ZNF407: variants seen among roughly 807,000 people sequenced by gnomAD.
ZNF407 encodes zinc finger protein 407.
Under a neutral mutation model 131.2 loss-of-function variants are expected in ZNF407, and 17 were observed. The ratio of observed to expected loss-of-function variants is 0.13; its 90% confidence interval spans 0.09 to 0.19. ZNF407 has a LOEUF of 0.19. Ranked by LOEUF, ZNF407 falls within the 10% of genes least tolerant of loss-of-function variation. The pLI is 1.00. For missense variants in ZNF407, 2,681 were observed against 2,830.6 expected (o/e 0.95, Z 1.20); for synonymous variants, 1,156 against 1,062.0 (o/e 1.09, Z -1.72).
intron 4 of ZNF407, among the ~76,000 whole-genome samples, chr18:74,809,968 G>A (rs1449500966): frequency 6.6e-6 from 1 of 152,240 alleles, no homozygotes; most frequent in East Asian, 1.9e-4. Context: ...TTATGTGGAT[G>A]TGATGGTGCC....
intron 4 of ZNF407, among the ~76,000 whole-genome samples, chr18:74,822,247 T>G (rs944982047): frequency 6.6e-6 from 1 of 152,232 alleles, no homozygotes; most frequent in Non-Finnish European, 1.5e-5. Flanking sequence ...TTTCTTTTGC[T>G]GTGCAGAAGC....
rs908457122 is a variant in ZNF407, at chr18:74,600,463, A to C, written c.-54+2526A>C. Among the ~76,000 whole-genome samples, 5 of 152,168 alleles carry C rather than the reference A, an allele frequency of 3.3e-5. 1 individual carries two copies. Among genetic ancestry groups the C allele is most frequent in the African/African-American group, 1.2e-4 (5 of 41,430 alleles). On this transcript the variant is annotated intron_variant, in intron 1 of 8. Transcript: ENST00000299687. ...TCTTTGTGACCTTTTTTGCCAAGCC[A>C]CTGTAGTTGTCAGGGAGCAGAGAGA...
intron 8 of ZNF407, among the ~76,000 whole-genome samples, chr18:75,043,306 G>T (rs928670757): frequency 1.3e-5 from 2 of 152,140 alleles, no homozygotes; most frequent in Non-Finnish European, 2.9e-5. Flanking sequence ...TGTGTAAATT[G>T]TTCTCAGTTT....
chr18:74,804,057 G>C, intron 4 of ZNF407: 1 of 1,551,588 alleles, frequency 6.4e-7, no homozygotes, highest in East Asian at 2.4e-5. Context: ...GTCTTTGTGA[G>C]CACTTTTCAT....
intron 4 of ZNF407, among the ~76,000 whole-genome samples, chr18:74,869,390 G>T (rs184527468): frequency 2.0e-5 from 3 of 152,276 alleles, no homozygotes; most frequent in African/African-American, 7.2e-5. Flanking sequence ...AAGCCCTGCA[G>T]CCCTGCCATA....
At position 74,633,901 on chromosome 18, in the gene ZNF407, A is replaced by G. The variant is rs373830166; in HGVS notation, c.2882A>G (p.Asp961Gly). The G allele has an allele frequency of 1.4e-5, 22 of 1,613,916 alleles. No individual in the cohort carries two copies. Among genetic ancestry groups the G allele is most frequent in the African/African-American group, 2.7e-5 (2 of 74,940 alleles). ...ESPTSVLEKP[D>G]RGNSIEAEVE... ...CCCACCTCCGTTTTAGAGAAGCCAG[A>G]TCGTGGAAACTCAATTGAAGCTGAA... The change falls in exon 2 of 9, where the codon GAT becomes GGT. Residue 961 changes from aspartate to glycine, a missense_variant. This residue lies in a region of ZNF407 where 1,789 missense variants were observed against 1,748.7 expected (regional missense o/e 1.02). Transcript: ENST00000299687.
At chr18:74,845,444 TC>T (rs541208559) in intron 4 of ZNF407, among the ~76,000 whole-genome samples, 112 of 152,364 alleles carry the variant, frequency 7.4e-4, no homozygotes, top group Non-Finnish European at 1.3e-3. Flanking sequence ...TTAACCTTTT[TC>T]ATTATAGTAA....
intron 4 of ZNF407, chr18:74,804,302 TAA>T (rs373245489): frequency 5.3e-4 from 473 of 896,578 alleles, no homozygotes; most frequent in Middle Eastern, 1.9e-3. Context: ...ATCAATGAGT[TAA>T]AAAAAAAAAA....
At chr18:74,928,197 A>C (rs1971938455) in intron 8 of ZNF407, among the ~76,000 whole-genome samples, 1 of 152,192 alleles carries the variant, frequency 6.6e-6, no homozygotes, top group Admixed American at 6.5e-5. Flanking sequence ...TGTTCAGCCC[A>C]AAAAGGTGGG....
intron 3 of ZNF407, among the ~76,000 whole-genome samples, chr18:74,722,385 T>C (rs1968059667): frequency 6.6e-6 from 1 of 152,198 alleles, no homozygotes. Context: ...GGTTTTTCAT[T>C]TATAGAATCT....
At chr18:75,057,242 C>G (rs1973571975) in intron 8 of ZNF407, among the ~76,000 whole-genome samples, 1 of 152,216 alleles carries the variant, frequency 6.6e-6, no homozygotes, top group African/African-American at 2.4e-5. Flanking sequence ...TAAATGCCAA[C>G]TCACAGCAAC....
chr18:74,871,173 T>C (rs551627438), intron 4 of ZNF407, among the ~76,000 whole-genome samples: 53 of 152,344 alleles, frequency 3.5e-4, no homozygotes, highest in African/African-American at 1.2e-3. Context: ...TGCTCGTCCC[T>C]GTGTGCCTTC....
chr18:74,830,870 A>T (rs1395561940), intron 4 of ZNF407, among the ~76,000 whole-genome samples: 3 of 152,066 alleles, frequency 2.0e-5, no homozygotes, highest in African/African-American at 7.2e-5. Flanking sequence ...TATTCCTCCT[A>T]TGGAGCTGTA....
intron 8 of ZNF407, among the ~76,000 whole-genome samples, chr18:75,038,657 G>A (rs1275724110): frequency 6.6e-6 from 1 of 152,126 alleles, no homozygotes; most frequent in African/African-American, 2.4e-5. Context: ...ACATGAAATG[G>A]GGCCAGTTTC....
chr18:74,695,626 T>C (rs931827474), intron 3 of ZNF407, among the ~76,000 whole-genome samples: 1 of 152,152 alleles, frequency 6.6e-6, no homozygotes, highest in African/African-American at 2.4e-5. Flanking sequence ...CAACCACCTA[T>C]GTGGTAGAAG....
chr18:74,920,789 T>C (rs1971837330), intron 8 of ZNF407, 97 bp downstream of exon 8: 8 of 1,421,414 alleles, frequency 5.6e-6, no homozygotes, highest in Non-Finnish European at 6.5e-6. Context: ...TTTATTGTAA[T>C]GGAGTAGAGT....
intron 1 of ZNF407, among the ~76,000 whole-genome samples, chr18:74,629,102 C>T (rs1983933073): frequency 6.6e-6 from 1 of 152,216 alleles, no homozygotes; most frequent in South Asian, 2.1e-4. Flanking sequence ...TATATGCTAG[C>T]ACCATGTTTA....
intron 1 of ZNF407, among the ~76,000 whole-genome samples, chr18:74,605,795 T>C (rs990135141): frequency 1.3e-5 from 2 of 152,200 alleles, no homozygotes; most frequent in African/African-American, 2.4e-5. Flanking sequence ...GGACACACAT[T>C]GGTATACTAG....
chr18:74,823,821 A>T (rs1970374047), intron 4 of ZNF407, among the ~76,000 whole-genome samples: 1 of 152,142 alleles, frequency 6.6e-6, no homozygotes, highest in Non-Finnish European at 1.5e-5. Context: ...AAAATTAACA[A>T]AGTTATTCAG....
Sources: allele counts gnomAD v4.1 joint callset (sites outside exome capture counted in the v4.1 genomes callset), GRCh38; gene constraint gnomAD v4.1.1; regional missense constraint gnomAD v4.1.1; transcripts MANE v1.5; gene names NCBI Gene and HGNC (gene_info 2026-07-23, HGNC 2026-07-21).